Variants in NRG2 observed in about 807,000 individuals in gnomAD.
NRG2 encodes the protein pro-neuregulin-2, membrane-bound isoform.
A neutral mutation model predicts 73.9 loss-of-function variants in NRG2; 27 were observed. The ratio of observed to expected loss-of-function variants is 0.37; its 90% CI spans 0.27 to 0.50. The LOEUF is 0.50. Among genes scored for constraint, NRG2 ranks in the 20% least tolerant of loss-of-function variants. The pLI is 0.96. For missense variants in NRG2, 1,126 were observed against 1,210.1 expected (o/e 0.93, Z 1.03); for synonymous variants, 532 against 541.0 (o/e 0.98, Z 0.23).
chr5:139,910,097 TG>T (rs1765481773), intron 1 of NRG2, among the ~76,000 whole-genome samples: 1 of 152,220 alleles, frequency 6.6e-6, no homozygotes, highest in Non-Finnish European at 1.5e-5. Context: ...GGCCCAGTTT[TG>T]CTCCTGAGAT....
In NRG2 at chr5:139,868,752, C is replaced by T. The variant is rs970862928; in HGVS notation, c.1112+2969G>A. On this transcript the variant is annotated intron_variant, in intron 4 of 9. Transcript: ENST00000361474. The surrounding 1 kb of genome is among the most constrained non-coding windows in gnomAD (Gnocchi z 4.2). ...GTGGATGAAGGATGGCGGTGTGCCC[C>T]GGGCACTGGAGGGAGTGAAGGGCCT... Among the ~76,000 whole-genome samples, 2 of 151,998 alleles carry T rather than the reference C, an allele frequency of 1.3e-5. No homozygotes were observed. The highest frequency in any genetic ancestry group is 4.8e-5 in the African/African-American group (2 of 41,364).
At chr5:139,956,216 C>T (rs1293800980) in intron 1 of NRG2, among the ~76,000 whole-genome samples, 2 of 152,118 alleles carry the variant, frequency 1.3e-5, no homozygotes, top group African/African-American at 4.8e-5. Context: ...GTCAACAATC[C>T]GTGGCATCCA....
At chr5:139,955,699 C>A (rs901778072) in intron 1 of NRG2, among the ~76,000 whole-genome samples, 5 of 152,134 alleles carry the variant, frequency 3.3e-5, no homozygotes, top group African/African-American at 1.2e-4. Flanking sequence ...AAGTAGATAT[C>A]TATTGGGTGC....
intron 1 of NRG2, among the ~76,000 whole-genome samples, chr5:139,893,499 G>C (rs1764350218): frequency 1.3e-5 from 2 of 152,172 alleles, no homozygotes; most frequent in African/African-American, 4.8e-5. Context: ...CCAGCACTCT[G>C]CACCCATGGC....
rs536169142 is a variant in NRG2 at position 140,026,726 on chromosome 5, A to G, written c.700+15644T>C. On this transcript the variant is annotated intron_variant, in intron 1 of 9. Coordinates refer to ENST00000361474, the MANE Select transcript of NRG2 (RefSeq NM_004883.3). Reference sequence around the variant, plus strand: ...CTTTGCAGTAGTAAAAACTGTCATGACTCGTCAATGTCCTCTATACAGAGG... The same window carrying G: ...CTTTGCAGTAGTAAAAACTGTCATGGCTCGTCAATGTCCTCTATACAGAGG... Among the ~76,000 whole-genome samples the G allele has an allele frequency of 1.1e-3, 163 of 152,266 alleles. 1 individual carries two copies. Among genetic ancestry groups the G allele is most frequent in the Non-Finnish European group, 1.8e-3 (120 of 68,006 alleles).
chr5:139,866,127 C>G (rs1762453090), intron 4 of NRG2, among the ~76,000 whole-genome samples: 1 of 152,190 alleles, frequency 6.6e-6, no homozygotes, highest in Non-Finnish European at 1.5e-5. Flanking sequence ...ACTCAGATAA[C>G]TCGGGAATGC....
chr5:139,962,164 C>T (rs1304142922), intron 1 of NRG2, among the ~76,000 whole-genome samples: 1 of 152,184 alleles, frequency 6.6e-6, no homozygotes, highest in African/African-American at 2.4e-5. Context: ...TCAAGCTCCC[C>T]CTGCTCATCA....
intron 1 of NRG2, among the ~76,000 whole-genome samples, chr5:140,028,656 G>A (rs893319843): frequency 6.6e-5 from 10 of 152,156 alleles, no homozygotes; most frequent in African/African-American, 2.4e-4. Context: ...GTGGAGATGA[G>A]TATATTTTTC....
At chr5:139,932,907 A>C (rs936174670) in intron 1 of NRG2, among the ~76,000 whole-genome samples, 3 of 152,146 alleles carry the variant, frequency 2.0e-5, no homozygotes, top group Admixed American at 2.0e-4. Context: ...ATTTTAAAAA[A>C]TCATATTAAT....
intron 1 of NRG2, among the ~76,000 whole-genome samples, chr5:139,969,792 A>T (rs892438875): frequency 6.6e-6 from 1 of 152,060 alleles, no homozygotes; most frequent in Non-Finnish European, 1.5e-5. Flanking sequence ...CACTGCATTC[A>T]CCTCTCAAAC....
intron 1 of NRG2, among the ~76,000 whole-genome samples, chr5:139,961,766 C>A (rs1196991065): frequency 6.6e-6 from 1 of 152,208 alleles, no homozygotes; most frequent in Non-Finnish European, 1.5e-5. Flanking sequence ...AAAGCAAAAG[C>A]AGCTGCTATC....
chr5:139,989,637 G>A (rs1283385308), intron 1 of NRG2, among the ~76,000 whole-genome samples: 1 of 151,720 alleles, frequency 6.6e-6, no homozygotes, highest in Admixed American at 6.6e-5. Flanking sequence ...TAAGATTCAC[G>A]CATGTTGTTG....
chr5:139,948,430 A>C (rs1439007937), intron 1 of NRG2, among the ~76,000 whole-genome samples: 1 of 152,134 alleles, frequency 6.6e-6, no homozygotes, highest in African/African-American at 2.4e-5. Flanking sequence ...TCCGCTTCAC[A>C]TATAATTGTT....
In NRG2 at chr5:140,042,399, T is replaced by A. The variant is rs1266858445; in HGVS notation, c.671A>T (p.Glu224Val). 1 of 1,594,240 alleles carries A rather than the reference T, an allele frequency of 6.3e-7. No homozygotes were observed. Among genetic ancestry groups the A allele is most frequent in the Non-Finnish European group, 8.5e-7 (1 of 1,169,630 alleles). Residue 224 changes from glutamate to valine, a missense_variant, in exon 1 of 10, where the codon GAG (glutamate) becomes GTG (valine). Coordinates refer to ENST00000361474, the MANE Select transcript of NRG2 (RefSeq NM_004883.3). ...LDTNGKNLKK[E>V]VGKILCTDCA... Reference sequence around the variant, plus strand: ...GTCAGTGCACAGGATCTTGCCCACCTCTTTCTTGAGATTTTTGCCGTTGGT... The same window carrying A: ...GTCAGTGCACAGGATCTTGCCCACCACTTTCTTGAGATTTTTGCCGTTGGT...
At chr5:139,895,351 T>C (rs1764480669) in intron 1 of NRG2, among the ~76,000 whole-genome samples, 1 of 152,090 alleles carries the variant, frequency 6.6e-6, no homozygotes, top group East Asian at 1.9e-4. Context: ...GTAGCAGAGA[T>C]GGGGGATGAG....
chr5:139,961,861 CT>C (rs1580825198), intron 1 of NRG2, among the ~76,000 whole-genome samples: 1 of 152,212 alleles, frequency 6.6e-6, no homozygotes, highest in Non-Finnish European at 1.5e-5. Context: ...AGCCACTGTC[CT>C]GACTTGGCAT....
intron 1 of NRG2, among the ~76,000 whole-genome samples, chr5:140,004,437 A>G (rs1385754193): frequency 2.0e-5 from 3 of 152,244 alleles, no homozygotes; most frequent in Non-Finnish European, 4.4e-5. Context: ...TTTTTAAACT[A>G]TAAAGGGTAA....
chr5:140,004,393 T>C (rs1471445453), intron 1 of NRG2, among the ~76,000 whole-genome samples: 1 of 152,200 alleles, frequency 6.6e-6, no homozygotes, highest in East Asian at 1.9e-4. Context: ...AGAAAAAGGA[T>C]CTGCACAGTC....
intron 2 of NRG2, among the ~76,000 whole-genome samples, chr5:139,886,671 G>A (rs374627931): frequency 2.6e-5 from 4 of 152,120 alleles, no homozygotes; most frequent in African/African-American, 4.8e-5. Context: ...TTGGACTAGC[G>A]GCTTCTCTGG....
Sources: gnomAD v4.1 joint callset for allele counts (sites outside exome capture counted in the v4.1 genomes callset) on GRCh38, gnomAD v4.1.1 for gene constraint, Gnocchi (gnomAD v3.1) non-coding constraint, MANE v1.5 for transcripts, NCBI Gene and HGNC (gene_info 2026-07-23, HGNC 2026-07-21) for gene names.